The following BRD3 variants were observed in gnomAD, a reference collection of about 807,000 sequenced individuals.
BRD3 encodes the protein bromodomain-containing protein 3.
A neutral mutation model predicts 66.8 loss-of-function variants in BRD3; 17 were observed. The ratio of observed to expected loss-of-function variants is 0.25; its 90% CI spans 0.17 to 0.38. BRD3 has a LOEUF of 0.38. BRD3 is among the 10% of genes least tolerant of loss of function. The pLI, the probability that BRD3 is intolerant of heterozygous loss-of-function variation, is 1.00. For missense variants in BRD3, 713 were observed against 956.1 expected (o/e 0.75, Z 3.35); for synonymous variants, 421 against 393.2 (o/e 1.07, Z -0.84).
chr9:134,042,738 C>T (rs941240356), intron 7 of BRD3, among the ~76,000 whole-genome samples: 1 of 135,888 alleles, frequency 7.4e-6, no homozygotes, highest in Non-Finnish European at 1.5e-5. Context: ...TATATACACA[C>T]ATATATACAC....
At chr9:134,051,475 A>C (rs1830293800) in intron 4 of BRD3, 87 bp downstream of exon 4, 2 of 1,348,942 alleles carry the variant, frequency 1.5e-6, no homozygotes, top group Admixed American at 6.1e-5. Context: ...GAAACAGCTC[A>C]GATGGCTAAA....
intron 9 of BRD3, among the ~76,000 whole-genome samples, chr9:134,037,774 T>C (rs112892449): frequency 0.031 from 4,788 of 152,184 alleles, 105 homozygotes; most frequent in Non-Finnish European, 0.051. Flanking sequence ...TTGGTATGTC[T>C]CTATCCAGAT....
At chr9:134,058,546 A>ACT (rs918259628) in intron 1 of BRD3, 2 of 151,820 alleles carry the variant, frequency 1.3e-5, no homozygotes, top group African/African-American at 4.8e-5. Flanking sequence ...GAGCCTGACC[A>ACT]CTCCGTGTCA....
At position 134,036,160 on chromosome 9, in the gene BRD3, T is replaced by G; in HGVS notation, c.1808A>C (p.Glu603Ala). Residue 603 changes from glutamate (E) to alanine (A), a missense_variant, in exon 10 of 12, where the codon GAG becomes GCG. Physicochemically the swap from Glu to Ala is moderately radical, Grantham distance 107. Transcript: ENST00000303407. ...GGGGTTGGAGTCCCTGAGCGAGGGC[T>G]CCCGAGATTGGATGATGTGCACTAC... Reference protein sequence around the residue: ...GRVVHIIQSREPSLRDSNPDE... With the variant: ...GRVVHIIQSRAPSLRDSNPDE... 3 of 1,614,242 alleles carry G rather than the reference T, an allele frequency of 1.9e-6. No homozygotes were observed. The highest frequency in any genetic ancestry group is 2.5e-6 in the Non-Finnish European group (3 of 1,180,040).
At position 134,030,822 on chromosome 9, in the gene BRD3, C is replaced by T. The variant is rs1208527574; in HGVS notation, c.*2768G>A. ...GTTCAGTTCACGCCCGAAGCCTGCC[C>T]CCTCGGCCTCCAGGGGTCATTCAGA... On this transcript the variant is annotated 3_prime_UTR_variant, in exon 12 of 12. Coordinates refer to ENST00000303407, the MANE Select transcript of BRD3 (RefSeq NM_007371.4). 8.6e-6 allele frequency: 2 copies of T among 232,438 alleles called. No individual in the cohort carries two copies. Among genetic ancestry groups the T allele is most frequent in the Non-Finnish European group, 1.7e-5 (2 of 117,654 alleles). The allele number at this position is 232,438 out of a possible 1,614,324, so 14.4% of individuals were successfully genotyped here.
intron 9 of BRD3, among the ~76,000 whole-genome samples, chr9:134,037,702 T>TA (rs1055122401): frequency 7.2e-6 from 1 of 138,036 alleles, no homozygotes; most frequent in Admixed American, 7.6e-5. Context: ...TAAATAAAAG[T>TA]AAAAATTTTT....
In BRD3 at chr9:134,033,742, C is replaced by G; in HGVS notation, c.2066-37G>C. ...TGGGCAGGGAGATGCGCTCGCACAC[C>G]CGCTTCTTGACCCGCTTGGCGGCAT... On this transcript the variant is annotated intron_variant, in intron 11 of 11. Coordinates refer to ENST00000303407, the MANE Select transcript of BRD3 (RefSeq NM_007371.4). This position sits in a 1 kb window ranked among gnomAD's most constrained non-coding sequence, Gnocchi z 5.1. The G allele has an allele frequency of 1.4e-6, 1 of 694,614 alleles. No homozygotes were observed. Among genetic ancestry groups the G allele is most frequent in the Non-Finnish European group, 2.6e-6 (1 of 377,978 alleles). 43.0% of individuals were successfully genotyped at this position (694,614 alleles called of 1,614,324 possible). A position where few individuals can be genotyped will look rare whatever the true frequency, so the allele number is the denominator to read the frequency against.
At chr9:134,053,184 T>C in intron 2 of BRD3, 81 bp downstream of exon 2, 1 of 1,504,854 alleles carries the variant, frequency 6.6e-7, no homozygotes, top group Non-Finnish European at 9.2e-7. Flanking sequence ...AGAGGCAGTC[T>C]TTCCAGGATG....
In BRD3 at chr9:134,040,465, C is replaced by T. The variant is rs115413097; in HGVS notation, c.1408-196G>A. Among the ~76,000 whole-genome samples, 444 of 152,320 alleles carry T rather than the reference C, an allele frequency of 2.9e-3. 2 individuals are homozygous for T. The highest frequency in any genetic ancestry group is 0.01 in the African/African-American group (421 of 41,556). On this transcript the variant is annotated intron_variant, in intron 8 of 11. Coordinates refer to ENST00000303407, the MANE Select transcript of BRD3 (RefSeq NM_007371.4). ...CCAGTGAGTCATGAGCCCTCTCCGC[C>T]TCGGCTTCTTCGCCTGCAGTGGGGA...
chr9:134,046,046 G>A (rs1353232437), intron 6 of BRD3, among the ~76,000 whole-genome samples: 2 of 152,156 alleles, frequency 1.3e-5, no homozygotes, highest in East Asian at 1.9e-4. Context: ...ACCCACCCAC[G>A]TTTACTCGGC....
intron 11 of BRD3, 153 bp downstream of exon 11, chr9:134,034,548 G>A (rs1411927776): frequency 3.7e-6 from 4 of 1,084,590 alleles, no homozygotes; most frequent in Non-Finnish European, 5.2e-6. Context: ...ACCAGGAAAT[G>A]GAGGTTTCAG....
At chr9:134,047,787 T>C (rs1336797040) in intron 6 of BRD3, among the ~76,000 whole-genome samples, 1 of 152,204 alleles carries the variant, frequency 6.6e-6, no homozygotes, top group African/African-American at 2.4e-5. Flanking sequence ...AGGGACCCCC[T>C]GACCTGATGA....
chr9:134,040,319 T>A (rs1008523142), intron 8 of BRD3, 50 bp from the exon 9 acceptor site: 2 of 1,549,598 alleles, frequency 1.3e-6, no homozygotes, highest in Admixed American at 3.8e-5. Flanking sequence ...CCCACACCAC[T>A]GGGGCTGCGT....
intron 5 of BRD3, among the ~76,000 whole-genome samples, chr9:134,048,905 CG>C (rs1200390494): frequency 6.6e-6 from 1 of 152,164 alleles, no homozygotes; most frequent in Non-Finnish European, 1.5e-5. Context: ...GGCCTGAGAG[CG>C]GGGGCTCCGC....
At chr9:134,050,627 C>T (rs1203019196) in intron 4 of BRD3, 39 bp from the exon 5 acceptor site, 2 of 1,542,578 alleles carry the variant, frequency 1.3e-6, no homozygotes, top group Non-Finnish European at 1.8e-6. Flanking sequence ...CACCAGGCTC[C>T]ACTAGTATTT....
intron 3 of BRD3, 118 bp from the exon 4 acceptor site, chr9:134,051,827 G>A (rs1454865097): frequency 3.7e-6 from 4 of 1,069,358 alleles, no homozygotes; most frequent in Middle Eastern, 2.6e-4. Context: ...TGGCAGCGCA[G>A]GAGAGAACAA....
At chr9:134,048,482 C>T in intron 5 of BRD3, 28 bp from the exon 6 acceptor site, 7 of 1,597,334 alleles carry the variant, frequency 4.4e-6, no homozygotes, top group Non-Finnish European at 5.9e-6. Flanking sequence ...CCAGTGAACC[C>T]CGGAAACCAG....
At chr9:134,042,792 T>TAC (rs58646444) in intron 7 of BRD3, among the ~76,000 whole-genome samples, 73 of 147,924 alleles carry the variant, frequency 4.9e-4, no homozygotes, top group African/African-American at 1.5e-3. Flanking sequence ...TACACAAATA[T>TAC]ACACACACAC....
rs139980330 is a variant in BRD3, at chr9:134,052,294, G to T, written c.351+12C>A. ...TTACTGCAAGCGGCGTGCCAGGCCC[G>T]CATCTTCTTACCTTGTTATAAATGT... On this transcript the variant is annotated intron_variant, in intron 3 of 11. Coordinates refer to ENST00000303407, the MANE Select transcript of BRD3 (RefSeq NM_007371.4). 1 of 1,610,802 alleles carries T rather than the reference G, an allele frequency of 6.2e-7. No individual in the cohort carries two copies. Among genetic ancestry groups the T allele is most frequent in the Non-Finnish European group, 8.5e-7 (1 of 1,179,696 alleles).
Sources: allele counts gnomAD v4.1 joint callset (sites outside exome capture counted in the v4.1 genomes callset), GRCh38; gene constraint gnomAD v4.1.1; non-coding constraint Gnocchi (gnomAD v3.1); transcripts MANE v1.5; gene names NCBI Gene and HGNC (gene_info 2026-07-23, HGNC 2026-07-21).